CACNG5: variants seen among roughly 807,000 people sequenced by gnomAD.
CACNG5 encodes voltage-dependent calcium channel gamma-5 subunit.
CACNG5 carries 18 observed loss-of-function variants against 24.8 expected under a neutral mutation model. The ratio of observed to expected loss-of-function variants is 0.73; its 90% CI spans 0.50 to 1.08. CACNG5 has a LOEUF of 1.08. CACNG5 is among the 50% of genes least tolerant of loss of function. CACNG5 has a pLI of 0.00. For synonymous variants in CACNG5, 157 were observed against 149.1 expected, an observed-to-expected ratio of 1.05 and a Z score of -0.39; for missense variants, 349 against 367.9, an observed-to-expected ratio of 0.95 and a Z score of 0.42.
At chr17:66,859,888 C>T (rs1157744655) in intron 1 of CACNG5, among the ~76,000 whole-genome samples, 1 of 152,140 alleles carries the variant, frequency 6.6e-6, no homozygotes, top group South Asian at 2.1e-4. Flanking sequence ...TCCCTTCTTC[C>T]TTCTTCTCCA....
At chr17:66,856,348 T>C (rs1230207031) in intron 1 of CACNG5, among the ~76,000 whole-genome samples, 3 of 152,198 alleles carry the variant, frequency 2.0e-5, no homozygotes, top group African/African-American at 7.2e-5. Flanking sequence ...GATTTTGAGA[T>C]ACTGTAGATT....
intron 1 of CACNG5, among the ~76,000 whole-genome samples, chr17:66,843,804 G>A (rs1265971420): frequency 6.6e-6 from 1 of 152,184 alleles, no homozygotes; most frequent in Non-Finnish European, 1.5e-5. Flanking sequence ...GCCTGGTCCT[G>A]GGTGGGGGGA....
At chr17:66,884,366 A>C in intron 4 of CACNG5, 150 bp from the exon 5 acceptor site, 1 of 760,804 alleles carries the variant, frequency 1.3e-6, no homozygotes, top group Non-Finnish European at 2.1e-6. Flanking sequence ...TTGGGAGGAA[A>C]GTTTCTGCTC....
At chr17:66,884,723 GAGAGTGGGGATGGGGGAGAAGGGA>G (rs1977224996) in intron 5 of CACNG5, 62 bp downstream of exon 5, 1 of 1,614,034 alleles carries the variant, frequency 6.2e-7, no homozygotes, top group African/African-American at 1.3e-5. Context: ...CTGAGCCGGG[GAGAGTGGGGATGGGGGAGAAGGGA>G]CATTCCACAA....
At chr17:66,851,662 G>A (rs894157094) in intron 1 of CACNG5, among the ~76,000 whole-genome samples, 1 of 151,984 alleles carries the variant, frequency 6.6e-6, no homozygotes, top group African/African-American at 2.4e-5. Context: ...TGTAAGAGCT[G>A]AATAAAATTG....
In CACNG5 at chr17:66,890,420, C is replaced by G. The variant is rs918267136; in HGVS notation, c.*5180C>G. On this transcript the variant is annotated 3_prime_UTR_variant, in exon 6 of 6. Transcript: ENST00000533854. ...CCTCTAGCATCCACGTCTCCCAGGA[C>G]AGGTGCTAGGGCCTCATGTCCTTGG... 6.6e-6 allele frequency among the ~76,000 whole-genome samples: 1 copy of G among 152,248 alleles called. No homozygotes were observed. Among genetic ancestry groups the G allele is most frequent in the Non-Finnish European group, 1.5e-5 (1 of 68,034 alleles).
At chr17:66,839,787 G>A (rs527290924) in intron 1 of CACNG5, among the ~76,000 whole-genome samples, 1 of 152,246 alleles carries the variant, frequency 6.6e-6, no homozygotes, top group African/African-American at 2.4e-5. Context: ...AGGTCAGTGA[G>A]CATTCACTAC....
rs8071468 is a variant in CACNG5, at chr17:66,893,737, C to T, written c.*8497C>T. 8.5e-5 allele frequency among the ~76,000 whole-genome samples: 13 copies of T among 152,090 alleles called. No individual in the cohort carries two copies. The highest frequency in any genetic ancestry group is 2.1e-4 in the South Asian group (1 of 4,794). On this transcript the variant is annotated 3_prime_UTR_variant, in exon 6 of 6. Transcript: ENST00000533854. ...GCAGGTGAGACCCGCCCCCCCAACCCGGCATTCTGAAGCCCTTCAGCTGGA... is the reference window on the plus strand; with the variant it reads ...GCAGGTGAGACCCGCCCCCCCAACCTGGCATTCTGAAGCCCTTCAGCTGGA...
At chr17:66,869,897 C>T (rs756701493) in intron 1 of CACNG5, among the ~76,000 whole-genome samples, 1 of 152,014 alleles carries the variant, frequency 6.6e-6, no homozygotes, top group Non-Finnish European at 1.5e-5. Flanking sequence ...TCCTGGCCAA[C>T]ATGGTGAAAC....
At chr17:66,861,598 T>G (rs1337536869) in intron 1 of CACNG5, among the ~76,000 whole-genome samples, 2 of 152,232 alleles carry the variant, frequency 1.3e-5, no homozygotes, top group African/African-American at 4.8e-5. Flanking sequence ...CCTGGCTTCC[T>G]TGCAGGCTTC....
Position 66,894,106 on chromosome 17 carries a change from T to C in CACNG5, c.*8866T>C, listed in dbSNP as rs979255719. 2.6e-5 allele frequency among the ~76,000 whole-genome samples: 4 copies of C among 152,128 alleles called. No individual in the cohort carries two copies. The highest frequency in any genetic ancestry group is 5.9e-5 in the Non-Finnish European group (4 of 68,028). On this transcript the variant is annotated 3_prime_UTR_variant, in exon 6 of 6. Coordinates refer to ENST00000533854, the MANE Select transcript of CACNG5 (RefSeq NM_145811.3). Reference sequence around the variant, plus strand: ...CTCGTAAACACCATCCCGCCACCCCTCTCAGGCCCTGCCAAGGACTCTGCT... The same window carrying C: ...CTCGTAAACACCATCCCGCCACCCCCCTCAGGCCCTGCCAAGGACTCTGCT...
intron 1 of CACNG5, among the ~76,000 whole-genome samples, chr17:66,850,821 AC>A (rs1187360042): frequency 6.6e-6 from 1 of 152,202 alleles, no homozygotes; most frequent in African/African-American, 2.4e-5. Context: ...GCAACAGAGT[AC>A]CAACTGTCAG....
Position 66,886,304 on chromosome 17 carries a change from G to A in CACNG5, c.*1064G>A, listed in dbSNP as rs752931551. Among the ~76,000 whole-genome samples, 19 of 152,182 alleles carry A rather than the reference G, an allele frequency of 1.2e-4. No individual in the cohort carries two copies. Among genetic ancestry groups the A allele is most frequent in the Admixed American group, 2.0e-4 (3 of 15,282 alleles). ...ACTTGGAATAATCCAGCTGCTCTCC[G>A]AAGGCTGCCTGTGAACATTGGGGGG... On this transcript the variant is annotated 3_prime_UTR_variant, in exon 6 of 6. Coordinates refer to ENST00000533854, the MANE Select transcript of CACNG5 (RefSeq NM_145811.3).
chr17:66,836,439 C>A (rs967756604), intron 1 of CACNG5, among the ~76,000 whole-genome samples: 1 of 152,178 alleles, frequency 6.6e-6, no homozygotes, highest in African/African-American at 2.4e-5. Context: ...GGGTGTGGGA[C>A]CTTGATTGGC....
intron 1 of CACNG5, among the ~76,000 whole-genome samples, chr17:66,850,663 G>A (rs1349963333): frequency 6.6e-6 from 1 of 151,910 alleles, no homozygotes; most frequent in African/African-American, 2.4e-5. Context: ...GCAGCACACT[G>A]GGAAATGCAG....
chr17:66,872,370 A>C (rs925636309), intron 1 of CACNG5, among the ~76,000 whole-genome samples: 5 of 152,204 alleles, frequency 3.3e-5, no homozygotes, highest in Non-Finnish European at 7.3e-5. Flanking sequence ...AAGCTCGAAC[A>C]AGGGTCTAGG....
At chr17:66,859,219 C>A (rs745332588) in intron 1 of CACNG5, among the ~76,000 whole-genome samples, 1 of 152,192 alleles carries the variant, frequency 6.6e-6, no homozygotes, top group East Asian at 1.9e-4. Flanking sequence ...TCAAGAGCCT[C>A]GCCCTGAAGT....
intron 1 of CACNG5, among the ~76,000 whole-genome samples, chr17:66,851,962 G>A (rs1976713346): frequency 1.3e-5 from 2 of 152,238 alleles, no homozygotes; most frequent in African/African-American, 4.8e-5. Flanking sequence ...GTTTCCAGGT[G>A]TGCCATGAGG....
At chr17:66,879,894 C>T (rs1212679913) in intron 3 of CACNG5, among the ~76,000 whole-genome samples, 2 of 152,128 alleles carry the variant, frequency 1.3e-5, no homozygotes, top group Non-Finnish European at 2.9e-5. Context: ...GCTGATATCA[C>T]CTGGCTCAAA....
Sources: allele counts gnomAD v4.1 joint callset (sites outside exome capture counted in the v4.1 genomes callset), GRCh38; gene constraint gnomAD v4.1.1; transcripts MANE v1.5; gene names NCBI Gene and HGNC (gene_info 2026-07-23, HGNC 2026-07-21).